Variants in SKIC3 observed in about 807,000 individuals in gnomAD.
The protein encoded by SKIC3 is SKI3 subunit of superkiller complex, also known as superkiller complex protein 3.
At chr5:95,473,375 G>A in the SKIC3 span, among the ~76,000 whole-genome samples, 58 of 151,992 alleles carry the variant, frequency 3.8e-4, no homozygotes, top group East Asian at 0.011. Context: ...CCAACCTCCC[G>A]AGCTCAGGTG....
At chr5:95,546,369 A>G in the SKIC3 span, among the ~76,000 whole-genome samples, 15 of 151,662 alleles carry the variant, frequency 9.9e-5, no homozygotes, top group Admixed American at 7.2e-4. Context: ...AAAAACAAAG[A>G]AAGAAACTAT....
chr5:95,543,420 A>G, the SKIC3 span: 16 of 1,403,536 alleles, frequency 1.1e-5, no homozygotes, highest in Middle Eastern at 2.1e-4. Context: ...CAGGAAATCT[A>G]TATCTACCAC....
chr5:95,481,824 A>G, the SKIC3 span, among the ~76,000 whole-genome samples: 1 of 152,246 alleles, frequency 6.6e-6, no homozygotes, highest in Admixed American at 6.5e-5. Flanking sequence ...ATAAAAGATC[A>G]GAATAAAAAA....
chr5:95,484,736 A>C, the SKIC3 span: 1 of 1,614,164 alleles, frequency 6.2e-7, no homozygotes, highest in Non-Finnish European at 8.5e-7. Flanking sequence ...TTGTGCAGAG[A>C]GTTTCAGCTT....
chr5:95,482,532 C>T, the SKIC3 span: 586 of 1,614,024 alleles, frequency 3.6e-4, 4 homozygotes, highest in East Asian at 0.011. Flanking sequence ...TCTTCAAGTA[C>T]AGCATCTGGG....
chr5:95,515,917 G>A, the SKIC3 span, among the ~76,000 whole-genome samples: 1 of 152,102 alleles, frequency 6.6e-6, no homozygotes, highest in African/African-American at 2.4e-5. Flanking sequence ...GCTATTTAAA[G>A]AGATTAATAT....
chr5:95,543,260 A>C, the SKIC3 span: 1 of 1,614,102 alleles, frequency 6.2e-7, no homozygotes. Flanking sequence ...AGGTTGTTCT[A>C]GTTCAGCTGC....
chr5:95,523,147 T>G, the SKIC3 span: 1 of 1,609,288 alleles, frequency 6.2e-7, no homozygotes, highest in Non-Finnish European at 8.5e-7. Flanking sequence ...AAATGCTTAA[T>G]TTAAGGAACC....
At chr5:95,546,656 A>G in the SKIC3 span, among the ~76,000 whole-genome samples, 1 of 152,134 alleles carries the variant, frequency 6.6e-6, no homozygotes, top group Non-Finnish European at 1.5e-5. Context: ...CCCGAGTCCA[A>G]TTTCTCCCTC....
At chr5:95,529,571 T>C in the SKIC3 span, among the ~76,000 whole-genome samples, 2 of 152,116 alleles carry the variant, frequency 1.3e-5, no homozygotes, top group African/African-American at 4.8e-5. Flanking sequence ...GAACAACAGT[T>C]TTCCTCTTAG....
the SKIC3 span, among the ~76,000 whole-genome samples, chr5:95,533,428 C>T: frequency 6.6e-6 from 1 of 152,046 alleles, no homozygotes; most frequent in Non-Finnish European, 1.5e-5. Flanking sequence ...CACTGAAAGT[C>T]GGGTTTAGAG....
chr5:95,498,835 T>C, the SKIC3 span, among the ~76,000 whole-genome samples: 3 of 152,060 alleles, frequency 2.0e-5, no homozygotes, highest in East Asian at 1.9e-4. Flanking sequence ...CCATGTTAGC[T>C]AGGATGGTCT....
At chr5:95,473,574 C>A in the SKIC3 span, among the ~76,000 whole-genome samples, 1 of 152,128 alleles carries the variant, frequency 6.6e-6, no homozygotes, top group Non-Finnish European at 1.5e-5. Flanking sequence ...CCACATCCAG[C>A]CTGTTATTTT....
the SKIC3 span, chr5:95,516,976 ATGT>A: frequency 1.9e-6 from 3 of 1,613,326 alleles, no homozygotes; most frequent in African/African-American, 4.0e-5. Flanking sequence ...TTTCTGCTAG[ATGT>A]TGTGCTTGGC....
the SKIC3 span, among the ~76,000 whole-genome samples, chr5:95,472,646 T>C: frequency 6.6e-6 from 1 of 152,098 alleles, no homozygotes; most frequent in Non-Finnish European, 1.5e-5. Context: ...TTTTTTTTTT[T>C]TCTAAAGTTT....
the SKIC3 span, among the ~76,000 whole-genome samples, chr5:95,470,890 A>T: frequency 6.6e-6 from 1 of 152,156 alleles, no homozygotes; most frequent in Non-Finnish European, 1.5e-5. Flanking sequence ...AAAGAGAAAA[A>T]AATGCATTAA....
At chr5:95,474,501 T>A in the SKIC3 span, among the ~76,000 whole-genome samples, 1 of 152,226 alleles carries the variant, frequency 6.6e-6, no homozygotes, top group East Asian at 1.9e-4. Context: ...GCTAGCCTGA[T>A]GGGATTCCTC....
the SKIC3 span, chr5:95,514,938 C>CA: frequency 1.2e-6 from 2 of 1,610,450 alleles, no homozygotes; most frequent in South Asian, 2.2e-5. Context: ...GAAAAAAAGG[C>CA]AAAAAATATT....
At chr5:95,543,125 T>C in the SKIC3 span, 1 of 1,598,384 alleles carries the variant, frequency 6.3e-7, no homozygotes, top group Non-Finnish European at 8.5e-7. Flanking sequence ...AACCTGTATT[T>C]TGAAAAATGC....
Sources: gnomAD v4.1 joint callset for allele counts (sites outside exome capture counted in the v4.1 genomes callset) on GRCh38, gnomAD v4.1.1 for gene constraint, MANE v1.5 for transcripts, NCBI Gene and HGNC (gene_info 2026-07-23, HGNC 2026-07-21) for gene names.